Variants in MYH13 observed in about 807,000 individuals in gnomAD.
MYH13 encodes myosin-13.
Under a neutral mutation model 232.1 loss-of-function variants are expected in MYH13, and 177 were observed. That is an observed-to-expected ratio of 0.76 (90% CI 0.67 to 0.86). MYH13 has a LOEUF of 0.86. Ranked by LOEUF, MYH13 falls within the 40% of genes least tolerant of loss-of-function variation. The pLI is 0.00. For synonymous variants in MYH13, 884 were observed against 923.5 expected (o/e 0.96, Z 0.78); for missense variants, 2,246 against 2,405.9 (o/e 0.93, Z 1.39).
chr17:10,301,563 T>A lies in MYH13; in HGVS notation c.5802+6A>T. ...TGGCCCCTATATCTCAGGTACCTGC[T>A]CTTACCTGGCTGCCCACGTCTCGGC... On this transcript the variant is annotated splice_donor_region_variant and intron_variant, in intron 40 of 40. Transcript: ENST00000252172. The A allele has an allele frequency of 1.2e-6, 2 of 1,614,168 alleles. No individual in the cohort carries two copies. The highest frequency in any genetic ancestry group is 1.7e-6 in the Non-Finnish European group (2 of 1,180,004).
At chr17:10,371,339 T>C (rs2071876456) in intron 1 of MYH13, 80 bp from the exon 2 acceptor site, 1 of 152,142 alleles carries the variant, frequency 6.6e-6, no homozygotes, top group Admixed American at 6.5e-5. Context: ...ATAGAAACCA[T>C]GTTTGTTCCA....
chr17:10,317,340 G>A (rs1266956242), intron 27 of MYH13, among the ~76,000 whole-genome samples: 1 of 152,196 alleles, frequency 6.6e-6, no homozygotes, highest in African/African-American at 2.4e-5. Context: ...AAGAGAAAAG[G>A]AGTCATCAGC....
intron 5 of MYH13, among the ~76,000 whole-genome samples, chr17:10,361,439 C>G (rs1447947646): frequency 6.6e-6 from 1 of 151,836 alleles, no homozygotes; most frequent in East Asian, 1.9e-4. Flanking sequence ...TTACAGGCAC[C>G]CACTACCATG....
intron 1 of MYH13, among the ~76,000 whole-genome samples, chr17:10,372,495 A>G (rs2073397746): frequency 6.6e-6 from 1 of 152,220 alleles, no homozygotes; most frequent in African/African-American, 2.4e-5. Flanking sequence ...CAGTCAATTC[A>G]TATCAGACTA....
intron 18 of MYH13, 132 bp downstream of exon 18, chr17:10,340,018 C>T (rs1188295523): frequency 5.4e-6 from 4 of 740,108 alleles, no homozygotes; most frequent in African/African-American, 1.8e-5. Flanking sequence ...AATCTGGCAA[C>T]CCTATTTCAG....
intron 2 of MYH13, among the ~76,000 whole-genome samples, chr17:10,365,802 T>C (rs1400809607): frequency 6.6e-6 from 1 of 151,482 alleles, no homozygotes; most frequent in African/African-American, 2.4e-5. Context: ...ACAAATATTG[T>C]TTAGTTAGAT....
intron 16 of MYH13, among the ~76,000 whole-genome samples, chr17:10,342,533 A>G (rs1394242600): frequency 2.6e-5 from 4 of 152,212 alleles, no homozygotes. Context: ...TAGCAACATC[A>G]TGCACAGTAG....
chr17:10,364,243 G>C, intron 3 of MYH13, 84 bp downstream of exon 3: 1 of 1,374,342 alleles, frequency 7.3e-7, no homozygotes, highest in East Asian at 2.4e-5. Flanking sequence ...GATTCCGAAG[G>C]ACCAGCATGC....
At chr17:10,347,281 C>T (rs2142261793) in intron 12 of MYH13, among the ~76,000 whole-genome samples, 1 of 152,260 alleles carries the variant, frequency 6.6e-6, no homozygotes, top group South Asian at 2.1e-4. Context: ...AGGAGAATCA[C>T]TTGAACCTAG....
intron 27 of MYH13, among the ~76,000 whole-genome samples, chr17:10,318,137 G>T (rs941085965): frequency 1.2e-4 from 19 of 152,192 alleles, no homozygotes; most frequent in African/African-American, 4.6e-4. Flanking sequence ...AGCTACTTGG[G>T]AGGCTGAGGC....
chr17:10,333,428 A>G (rs1907481897), intron 18 of MYH13, among the ~76,000 whole-genome samples: 1 of 152,218 alleles, frequency 6.6e-6, no homozygotes, highest in African/African-American at 2.4e-5. Context: ...CGTGGCAGTA[A>G]GAGCCAAAGC....
intron 24 of MYH13, among the ~76,000 whole-genome samples, chr17:10,320,785 A>G: frequency 6.6e-6 from 1 of 152,180 alleles, no homozygotes; most frequent in Non-Finnish European, 1.5e-5. Context: ...GGGGTATGGT[A>G]CCCATGGGTG....
At chr17:10,344,275 G>A (rs1188379610) in intron 15 of MYH13, among the ~76,000 whole-genome samples, 166 bp from the exon 16 acceptor site, 1 of 152,204 alleles carries the variant, frequency 6.6e-6, no homozygotes, top group African/African-American at 2.4e-5. Flanking sequence ...TGACCAGAAA[G>A]TGCTAGGCAT....
At chr17:10,343,560 A>G (rs1447134832) in intron 16 of MYH13, among the ~76,000 whole-genome samples, 1 of 152,212 alleles carries the variant, frequency 6.6e-6, no homozygotes, top group East Asian at 1.9e-4. Context: ...CTCAGTAGAA[A>G]ACTATTAAAC....
chr17:10,317,752 C>T (rs894400452), intron 27 of MYH13: 2 of 152,134 alleles, frequency 1.3e-5, no homozygotes, highest in Non-Finnish European at 2.9e-5. Context: ...CACAGAGAGT[C>T]TGGGAGCTGC....
At chr17:10,333,297 T>G in intron 18 of MYH13, 106 bp from the exon 19 acceptor site, 1 of 797,138 alleles carries the variant, frequency 1.3e-6, no homozygotes, top group Non-Finnish European at 2.1e-6. Context: ...AGTGGGAGAG[T>G]CAGTGAGTGG....
chr17:10,302,864 T>C (rs1906141779), intron 39 of MYH13, among the ~76,000 whole-genome samples: 1 of 151,186 alleles, frequency 6.6e-6, no homozygotes, highest in South Asian at 2.1e-4. Flanking sequence ...GAGGGTAGAC[T>C]GGGGTGGTTC....
chr17:10,365,869 GTGTGTGTGTGTGTGTGTATGGGGC>G (rs2071831505), intron 2 of MYH13, among the ~76,000 whole-genome samples: 1 of 151,174 alleles, frequency 6.6e-6, no homozygotes. Flanking sequence ...GTGTGTGTGT[GTGTGTGTGTGTGTGTGTATGGGGC>G]TGTGTGTGTG....
At chr17:10,311,851 G>A in intron 32 of MYH13, 60 bp downstream of exon 32, 1 of 1,592,822 alleles carries the variant, frequency 6.3e-7, no homozygotes, top group Non-Finnish European at 8.6e-7. Context: ...GGCCAAATGG[G>A]GAAGGGGTTG....
Sources: allele counts gnomAD v4.1 joint callset (sites outside exome capture counted in the v4.1 genomes callset), GRCh38; gene constraint gnomAD v4.1.1; transcripts MANE v1.5; gene names NCBI Gene and HGNC (gene_info 2026-07-23, HGNC 2026-07-21).